The following CDKL2 variants were observed in gnomAD, a reference collection of about 807,000 sequenced individuals.
The protein encoded by CDKL2 is cyclin-dependent kinase-like 2.
Under a neutral mutation model 63.9 loss-of-function variants are expected in CDKL2, and 64 were observed. The observed-to-expected ratio is 1.00, with a 90% CI of 0.82 to 1.23. CDKL2 has a LOEUF of 1.23. Ranked by LOEUF, CDKL2 falls within the 50% of genes most tolerant of loss-of-function variation. CDKL2 has a pLI of 0.00. For missense variants in CDKL2, 656 were observed against 668.0 expected, an observed-to-expected ratio of 0.98 and a Z score of 0.20; for synonymous variants, 211 against 229.2, an observed-to-expected ratio of 0.92 and a Z score of 0.72.
At chr4:75,619,462 G>A (rs907171983) in intron 2 of CDKL2, among the ~76,000 whole-genome samples, 1 of 151,718 alleles carries the variant, frequency 6.6e-6, no homozygotes, top group Admixed American at 6.6e-5. Flanking sequence ...TTTGTAGAGT[G>A]GCCAGCAGTT....
intron 10 of CDKL2, among the ~76,000 whole-genome samples, chr4:75,594,185 C>T (rs935055946): frequency 2.6e-5 from 4 of 152,066 alleles, no homozygotes; most frequent in East Asian, 1.9e-4. Flanking sequence ...TGGTGGCTCA[C>T]GCCTGTAATC....
chr4:75,587,061 T>C (rs1166845020), intron 12 of CDKL2, among the ~76,000 whole-genome samples: 1 of 152,020 alleles, frequency 6.6e-6, no homozygotes. Context: ...CACAACAAAA[T>C]TGACAAACTC....
At chr4:75,627,249 A>C (rs890130455) in intron 1 of CDKL2, among the ~76,000 whole-genome samples, 2 of 149,504 alleles carry the variant, frequency 1.3e-5, no homozygotes, top group African/African-American at 2.5e-5. Flanking sequence ...TGTATAACTG[A>C]ATTTGGTGGG....
In CDKL2 at chr4:75,600,389, T is replaced by A; in HGVS notation, c.796-20A>T. 1 of 1,472,796 alleles carries A rather than the reference T, an allele frequency of 6.8e-7. No homozygotes were observed. The highest frequency in any genetic ancestry group is 9.4e-7 in the Non-Finnish European group (1 of 1,060,546). 91.2% of individuals were successfully genotyped at this position (1,472,796 alleles called of 1,614,324 possible). On this transcript the variant is annotated intron_variant, in intron 6 of 13. Transcript: ENST00000307465. ...GCATTTCTGAAAAATTAAGAACACT[T>A]AGAGTTCATATCAAGAAAAACTACC...
At chr4:75,600,179 A>T (rs1488123927) in intron 7 of CDKL2, 102 bp downstream of exon 7, 1 of 718,572 alleles carries the variant, frequency 1.4e-6, no homozygotes, top group Non-Finnish European at 2.4e-6. Flanking sequence ...AGATCCTGCA[A>T]AGTAGGTGGG....
intron 2 of CDKL2, among the ~76,000 whole-genome samples, chr4:75,617,509 A>C (rs1408494603): frequency 6.8e-6 from 1 of 146,158 alleles, no homozygotes; most frequent in East Asian, 1.9e-4. Context: ...TCTCAAAAAA[A>C]CCAAAAAAAC....
At position 75,605,552 on chromosome 4, in the gene CDKL2, C is replaced by G; in HGVS notation, c.625G>C (p.Asp209His). The G allele has an allele frequency of 6.2e-7, 1 of 1,610,300 alleles. No homozygotes were observed. Among genetic ancestry groups the G allele is most frequent in the South Asian group, 1.1e-5 (1 of 90,946 alleles). Residue 209 changes from aspartate to histidine, a missense_variant, in exon 5 of 14, where the codon GAT becomes CAT. By Grantham distance (81) the Asp-to-His change is moderately conservative. Coordinates refer to ENST00000307465, the MANE Select transcript of CDKL2 (RefSeq NM_001330724.2). ...CACATCATAATATGATATAGCTGAT[C>G]AATATCAGAATCTCCAGGAAATAGG... ...EPLFPGDSDI[D>H]QLYHIMMCLG...
intron 3 of CDKL2, among the ~76,000 whole-genome samples, chr4:75,608,213 C>T (rs1259444286): frequency 6.7e-6 from 1 of 149,728 alleles, no homozygotes; most frequent in East Asian, 2.0e-4. Context: ...CAACCTCCGC[C>T]TCCTGGGTTC....
At chr4:75,580,986 C>T (rs1432399784) in intron 13 of CDKL2, among the ~76,000 whole-genome samples, 1 of 152,122 alleles carries the variant, frequency 6.6e-6, no homozygotes, top group African/African-American at 2.4e-5. Context: ...AGGCGTGAGC[C>T]ACCGCGCCCA....
intron 12 of CDKL2, among the ~76,000 whole-genome samples, chr4:75,587,773 G>A (rs1435591436): frequency 6.6e-6 from 1 of 150,660 alleles, no homozygotes; most frequent in East Asian, 2.0e-4. Flanking sequence ...GCATAGTGGC[G>A]GGCGCCTGTA....
rs1447684618 is a variant in CDKL2, at chr4:75,596,173, A to T, written c.1416+74T>A. ...CAAACAAAATTCTCAATACTTCACT[A>T]TCATATTTAATTTTAATAAAAGTCT... On this transcript the variant is annotated intron_variant, in intron 10 of 13. Coordinates refer to ENST00000307465, the MANE Select transcript of CDKL2 (RefSeq NM_001330724.2). The T allele has an allele frequency of 4.6e-6, 4 of 874,160 alleles. No individual in the cohort carries two copies. In the African/African-American group the frequency reaches 6.8e-5, roughly 15 times the overall value. The allele number at this position is 874,160 out of a possible 1,614,324, so 54.2% of individuals were successfully genotyped here. A position where few individuals can be genotyped will look rare whatever the true frequency, so the allele number is the denominator to read the frequency against.
At chr4:75,622,579 G>A (rs1012756890) in intron 2 of CDKL2, among the ~76,000 whole-genome samples, 6 of 151,680 alleles carry the variant, frequency 4.0e-5, no homozygotes, top group African/African-American at 1.5e-4. Flanking sequence ...TTAGCCAGGT[G>A]TGGTGGCGGG....
intron 1 of CDKL2, among the ~76,000 whole-genome samples, chr4:75,629,597 C>G (rs1730582179): frequency 6.6e-6 from 1 of 152,184 alleles, no homozygotes; most frequent in African/African-American, 2.4e-5. Flanking sequence ...CTAAAAGCAA[C>G]AATTTTGATA....
chr4:75,583,119 G>A (rs1489209399), intron 12 of CDKL2, among the ~76,000 whole-genome samples: 2 of 152,092 alleles, frequency 1.3e-5, no homozygotes, highest in Admixed American at 1.3e-4. Context: ...CGACAGAAAT[G>A]GTAAAGAGCT....
chr4:75,619,877 A>G (rs893649946), intron 2 of CDKL2, among the ~76,000 whole-genome samples: 1 of 152,178 alleles, frequency 6.6e-6, no homozygotes, highest in African/African-American at 2.4e-5. Flanking sequence ...CTTAGCCTCA[A>G]ATTATTTTTA....
intron 10 of CDKL2, among the ~76,000 whole-genome samples, chr4:75,593,316 CATATATA>C (rs1384087589): frequency 1.3e-5 from 2 of 150,988 alleles, no homozygotes; most frequent in African/African-American, 2.4e-5. Flanking sequence ...GAAAATAAAA[CATATATA>C]ATATATAATA....
At position 75,630,488 on chromosome 4, in the gene CDKL2, A is replaced by G. The variant is rs577349255; in HGVS notation, c.-476T>C. ...GAGCCTGGGAACCTGCACCGCTCCA[A>G]CTACCCCTGGGCGAAGGCGTTGGCC... is the stretch of plus-strand genomic sequence containing the variant. On this transcript the variant is annotated 5_prime_UTR_variant, in exon 1 of 14. Coordinates refer to ENST00000307465, the MANE Select transcript of CDKL2 (RefSeq NM_001330724.2). 6 of 152,396 alleles carry G rather than the reference A, an allele frequency of 3.9e-5. No homozygotes were observed. The highest frequency in any genetic ancestry group is 1.4e-4 in the African/African-American group (6 of 41,590). The allele number at this position is 152,396 out of a possible 1,614,324, so 9.4% of individuals were successfully genotyped here.
At chr4:75,587,313 G>A (rs1291021533) in intron 12 of CDKL2, among the ~76,000 whole-genome samples, 6 of 152,044 alleles carry the variant, frequency 3.9e-5, no homozygotes, top group Admixed American at 6.6e-5. Flanking sequence ...AATTAGCCGA[G>A]TGTAGTGGCT....
At chr4:75,604,685 T>C (rs1386740197) in intron 5 of CDKL2, among the ~76,000 whole-genome samples, 1 of 152,220 alleles carries the variant, frequency 6.6e-6, no homozygotes, top group Non-Finnish European at 1.5e-5. Context: ...GTAAGGACAG[T>C]AGTCACATTA....
Sources: allele counts gnomAD v4.1 joint callset (sites outside exome capture counted in the v4.1 genomes callset), GRCh38; gene constraint gnomAD v4.1.1; transcripts MANE v1.5; gene names NCBI Gene and HGNC (gene_info 2026-07-23, HGNC 2026-07-21).